CDH13: variants seen among roughly 807,000 people sequenced by gnomAD.
CDH13 encodes cadherin-13.
In CDH13, 24 loss-of-function variants were observed where a neutral mutation model predicts 63.8. The observed-to-expected ratio is 0.38, with a 90% CI of 0.27 to 0.53. The LOEUF (loss-of-function observed/expected upper bound fraction) is 0.53. Ranked by LOEUF, CDH13 falls within the 20% of genes least tolerant of loss-of-function variation. CDH13 has a pLI of 0.85. For missense variants in CDH13, 1,049 were observed against 903.1 expected, an observed-to-expected ratio of 1.16 and a Z score of -2.07; for synonymous variants, 503 against 355.3, an observed-to-expected ratio of 1.42 and a Z score of -4.67.
At chr16:83,076,149 T>A (rs2032819816) in intron 3 of CDH13, among the ~76,000 whole-genome samples, 2 of 152,138 alleles carry the variant, frequency 1.3e-5, no homozygotes, top group Non-Finnish European at 2.9e-5. Flanking sequence ...AAGTGGCCCA[T>A]ATGGGTATCA....
intron 6 of CDH13, among the ~76,000 whole-genome samples, chr16:83,374,506 G>A (rs142609665): frequency 3.9e-5 from 6 of 152,288 alleles, no homozygotes; most frequent in South Asian, 4.1e-4. Flanking sequence ...CAACATCTAC[G>A]TAGAAAACAT....
chr16:83,549,186 C>G (rs929083151), intron 7 of CDH13, among the ~76,000 whole-genome samples: 2 of 152,126 alleles, frequency 1.3e-5, no homozygotes, highest in African/African-American at 4.8e-5. Flanking sequence ...AGGACGCAGA[C>G]AAGCTGTGAT....
At chr16:82,635,185 C>G (rs1254483459) in intron 1 of CDH13, among the ~76,000 whole-genome samples, 1 of 152,192 alleles carries the variant, frequency 6.6e-6, no homozygotes, top group Admixed American at 6.5e-5. Flanking sequence ...ACTCCCAGGG[C>G]TTAGAACAGT....
intron 8 of CDH13, among the ~76,000 whole-genome samples, chr16:83,669,756 C>G (rs750894942): frequency 6.6e-6 from 1 of 152,226 alleles, no homozygotes; most frequent in African/African-American, 2.4e-5. Flanking sequence ...TCTTTGAACA[C>G]AAGGGCTTTT....
chr16:82,648,787 A>G (rs1363933320), intron 1 of CDH13, among the ~76,000 whole-genome samples: 1 of 152,238 alleles, frequency 6.6e-6, no homozygotes, highest in Admixed American at 6.5e-5. Context: ...TCTAAAAAAT[A>G]GGTGGTAAGA....
chr16:83,756,080 A>G (rs919931979), intron 11 of CDH13, among the ~76,000 whole-genome samples: 1 of 152,224 alleles, frequency 6.6e-6, no homozygotes, highest in Non-Finnish European at 1.5e-5. Flanking sequence ...AAGTATCTAT[A>G]TTGTATAACC....
At chr16:83,140,071 C>G (rs533113108) in intron 4 of CDH13, among the ~76,000 whole-genome samples, 3 of 152,198 alleles carry the variant, frequency 2.0e-5, no homozygotes, top group African/African-American at 2.4e-5. Context: ...GGTTTTACCT[C>G]TCTATTTTTA....
chr16:83,701,395 G>A (rs1276203558), intron 10 of CDH13, among the ~76,000 whole-genome samples: 1 of 152,030 alleles, frequency 6.6e-6, no homozygotes, highest in Admixed American at 6.6e-5. Context: ...CATTTCATTC[G>A]GTCCACACGT....
At chr16:82,756,177 G>C (rs547062798) in intron 1 of CDH13, among the ~76,000 whole-genome samples, 1 of 152,214 alleles carries the variant, frequency 6.6e-6, no homozygotes, top group East Asian at 1.9e-4. Context: ...TTGTTGCTAG[G>C]GTTACCTAAC....
chr16:82,826,862 A>G (rs936589860), intron 1 of CDH13, among the ~76,000 whole-genome samples: 4 of 152,210 alleles, frequency 2.6e-5, no homozygotes, highest in African/African-American at 7.2e-5. Flanking sequence ...AGGAAGGGTG[A>G]GGCAGGTTTT....
chr16:82,902,049 A>C (rs893496692), intron 2 of CDH13, among the ~76,000 whole-genome samples: 2 of 152,236 alleles, frequency 1.3e-5, no homozygotes, highest in African/African-American at 2.4e-5. Context: ...ACTCAAACAC[A>C]AGTCTGTCTC....
At chr16:82,932,507 C>G (rs1210818347) in intron 2 of CDH13, among the ~76,000 whole-genome samples, 2 of 152,144 alleles carry the variant, frequency 1.3e-5, no homozygotes, top group Admixed American at 6.5e-5. Flanking sequence ...TAGGTCATTG[C>G]TAAAGAACTG....
intron 11 of CDH13, among the ~76,000 whole-genome samples, chr16:83,771,992 C>G (rs1417972834): frequency 6.6e-6 from 1 of 152,162 alleles, no homozygotes; most frequent in Non-Finnish European, 1.5e-5. Flanking sequence ...ATTCCTGCAG[C>G]TAAGGTTTGC....
intron 1 of CDH13, among the ~76,000 whole-genome samples, chr16:82,856,366 C>T (rs2039688287): frequency 9.0e-6 from 1 of 111,358 alleles, no homozygotes; most frequent in Non-Finnish European, 1.8e-5. Context: ...CAGAGAGAGA[C>T]TCCATCTCAA....
intron 2 of CDH13, among the ~76,000 whole-genome samples, chr16:82,936,950 C>G (rs1159181323): frequency 6.6e-6 from 1 of 152,098 alleles, no homozygotes; most frequent in Non-Finnish European, 1.5e-5. Context: ...TTTATCAGGG[C>G]CTCTGGGGTC....
chr16:83,612,307 C>T (rs950822228), intron 8 of CDH13, among the ~76,000 whole-genome samples: 2 of 151,920 alleles, frequency 1.3e-5, no homozygotes, highest in African/African-American at 2.4e-5. Flanking sequence ...TATCTCATCT[C>T]GTATTAGAAT....
In CDH13 at chr16:82,972,924, G is replaced by A. The variant is rs116425527; in HGVS notation, c.158-59086G>A. 5.5e-3 allele frequency among the ~76,000 whole-genome samples: 834 copies of A among 152,236 alleles called. 6 individuals are homozygous for A. The highest frequency in any genetic ancestry group is 0.016 in the African/African-American group (677 of 41,540). On this transcript the variant is annotated intron_variant, in intron 2 of 13. Transcript: ENST00000567109. ...CTGATTTTAATGAACCCTCGTAGGC[G>A]TCTAAAGAATCACCACTTTATTTTT...
chr16:83,037,168 T>C (rs1169654863), intron 3 of CDH13, among the ~76,000 whole-genome samples: 2 of 152,202 alleles, frequency 1.3e-5, no homozygotes, highest in Admixed American at 6.5e-5. Context: ...TTTTGAGAAT[T>C]GATTTCATGG....
intron 2 of CDH13, among the ~76,000 whole-genome samples, chr16:82,964,499 A>G (rs1204078078): frequency 1.3e-5 from 2 of 152,204 alleles, no homozygotes; most frequent in African/African-American, 4.8e-5. Context: ...TCCACATTGG[A>G]TAAGGGCCAC....
Sources: gnomAD v4.1 joint callset for allele counts (sites outside exome capture counted in the v4.1 genomes callset) on GRCh38, gnomAD v4.1.1 for gene constraint, MANE v1.5 for transcripts, NCBI Gene and HGNC (gene_info 2026-07-23, HGNC 2026-07-21) for gene names.